Variants in ZC3H8 observed in about 807,000 individuals in gnomAD.
ZC3H8 encodes zinc finger CCCH domain-containing protein 8.
A neutral mutation model predicts 42.5 loss-of-function variants in ZC3H8; 27 were observed. That is an observed-to-expected ratio of 0.64 (90% CI 0.47 to 0.88). ZC3H8 has a LOEUF of 0.88. Among genes scored for constraint, ZC3H8 ranks in the 40% least tolerant of loss-of-function variants. ZC3H8 has a pLI of 0.00. For missense variants in ZC3H8, 277 were observed against 336.1 expected (o/e 0.82, Z 1.37); for synonymous variants, 101 against 110.1 (o/e 0.92, Z 0.52).
rs1468114529 is a variant in ZC3H8, at chr2:112,214,391, C to CTT, written c.*2092_*2093insAA. Reference sequence around the variant, plus strand: ...ATTCAATAGAGCCATGATAACCATGCTGGCCAAATAAATCTGTGCAGATTT... The same window carrying CTT: ...ATTCAATAGAGCCATGATAACCATGCTTTGGCCAAATAAATCTGTGCAGATTT... On this transcript the variant is annotated 3_prime_UTR_variant, in exon 9 of 9. Transcript: ENST00000409573. 1 of 152,126 alleles carries CTT rather than the reference C, an allele frequency of 6.6e-6. No individual in the cohort carries two copies. The highest frequency in any genetic ancestry group is 1.5e-5 in the Non-Finnish European group (1 of 68,026). The allele number at this position is 152,126 out of a possible 1,614,324, so 9.4% of individuals were successfully genotyped here.
intron 8 of ZC3H8, among the ~76,000 whole-genome samples, chr2:112,224,235 G>T (rs185513092): frequency 1.8e-4 from 28 of 152,236 alleles, no homozygotes; most frequent in African/African-American, 6.5e-4. Context: ...ACGTAAGGGT[G>T]GTTTAGTATT....
chr2:112,212,829 C>G lies in ZC3H8; in HGVS notation c.*3655G>C, dbSNP rs1331903136. ...TCCTAGCATTCAGCAGGTGCTCAACCTGAGATATTCTGATCTTGCCAAACT... is the reference window on the plus strand; with the variant it reads ...TCCTAGCATTCAGCAGGTGCTCAACGTGAGATATTCTGATCTTGCCAAACT... On this transcript the variant is annotated 3_prime_UTR_variant, in exon 9 of 9. Transcript: ENST00000409573. 2 of 152,116 alleles carry G rather than the reference C, an allele frequency of 1.3e-5. No individual in the cohort carries two copies. The highest frequency in any genetic ancestry group is 4.8e-5 in the African/African-American group (2 of 41,408). 9.4% of individuals were successfully genotyped at this position (152,116 alleles called of 1,614,324 possible). A position where few individuals can be genotyped will look rare whatever the true frequency, so the allele number is the denominator to read the frequency against.
chr2:112,243,755 GTC>G (rs1685666067), intron 2 of ZC3H8, among the ~76,000 whole-genome samples: 1 of 151,986 alleles, frequency 6.6e-6, no homozygotes, highest in African/African-American at 2.4e-5. Flanking sequence ...AATATTTATT[GTC>G]TTGTCCTTTA....
chr2:112,252,541 T>C (rs1207683590), intron 1 of ZC3H8, among the ~76,000 whole-genome samples: 2 of 152,226 alleles, frequency 1.3e-5, no homozygotes, highest in Non-Finnish European at 2.9e-5. Context: ...AATGGTCTCT[T>C]GTCTCATTCA....
intron 2 of ZC3H8, among the ~76,000 whole-genome samples, chr2:112,241,568 T>A (rs1372360868): frequency 6.6e-6 from 1 of 152,240 alleles, no homozygotes; most frequent in Non-Finnish European, 1.5e-5. Context: ...ACATTTGGTA[T>A]TTGAACAAAG....
At chr2:112,217,846 A>G (rs1684396665) in intron 8 of ZC3H8, among the ~76,000 whole-genome samples, 2 of 152,154 alleles carry the variant, frequency 1.3e-5, no homozygotes, top group Admixed American at 6.5e-5. Flanking sequence ...TCAAACATCT[A>G]TATCTGAAAA....
rs941246934 is a variant in ZC3H8 at position 112,212,638 on chromosome 2, T to C, written c.*3846A>G. 1 of 152,216 alleles carries C rather than the reference T, an allele frequency of 6.6e-6. No homozygotes were observed. The highest frequency in any genetic ancestry group is 1.5e-5 in the Non-Finnish European group (1 of 68,034). 9.4% of individuals were successfully genotyped at this position (152,216 alleles called of 1,614,324 possible). On this transcript the variant is annotated 3_prime_UTR_variant, in exon 9 of 9. Coordinates refer to ENST00000409573, the MANE Select transcript of ZC3H8 (RefSeq NM_032494.3). ...GCTCATCTAAGACTGGTTAAGTCCATGGCTCAGCTGTTATCAAGGATCCAG... is the reference window on the plus strand; with the variant it reads ...GCTCATCTAAGACTGGTTAAGTCCACGGCTCAGCTGTTATCAAGGATCCAG...
chr2:112,254,928 C>T lies in ZC3H8; in HGVS notation c.54G>A (p.Thr18=), dbSNP rs1473667317. 2 of 1,613,458 alleles carry T rather than the reference C, an allele frequency of 1.2e-6. No homozygotes were observed. Among genetic ancestry groups the T allele is most frequent in the South Asian group, 2.2e-5 (2 of 90,994 alleles). The change falls in exon 1 of 9, where the codon ACG becomes ACA. Residue 18 remains threonine, a synonymous_variant. Transcript: ENST00000409573. The stretch of plus-strand genomic sequence containing the variant: ...ATCACCTTTCGTCAGAGTCCGTGGC[C>T]GTTTTGCCGAGGGCCGGGTTGGGGG... ...SKPPNPALGK[T]ATDSDERIDD...
chr2:112,248,327 A>AGAAG (rs1685826397), intron 2 of ZC3H8, among the ~76,000 whole-genome samples: 1 of 151,988 alleles, frequency 6.6e-6, no homozygotes, highest in Admixed American at 6.6e-5. Context: ...AAGAAAAGAA[A>AGAAG]GAAAGAAAGA....
At chr2:112,253,884 A>G (rs1310372528) in intron 1 of ZC3H8, 1 of 152,714 alleles carries the variant, frequency 6.5e-6, no homozygotes, top group Non-Finnish European at 1.5e-5. Context: ...TCCAATATTT[A>G]TAGGGCTTAT....
At chr2:112,254,793 G>A in intron 1 of ZC3H8, 115 bp downstream of exon 1, 3 of 1,250,816 alleles carry the variant, frequency 2.4e-6, no homozygotes, top group Non-Finnish European at 3.3e-6. Flanking sequence ...TGCTCCCCAC[G>A]GGCCCTCGCG....
At chr2:112,228,677 T>C (rs1684956346) in intron 8 of ZC3H8, among the ~76,000 whole-genome samples, 4 of 152,170 alleles carry the variant, frequency 2.6e-5, no homozygotes, top group African/African-American at 9.7e-5. Context: ...GACTTTGTGT[T>C]AGGCAATAAA....
intron 8 of ZC3H8, among the ~76,000 whole-genome samples, chr2:112,217,438 A>C (rs1395579272): frequency 6.6e-6 from 1 of 152,232 alleles, no homozygotes; most frequent in Non-Finnish European, 1.5e-5. Flanking sequence ...TTCAAGTTGC[A>C]GTATAAAATG....
At chr2:112,238,626 T>C (rs1685450953) in intron 2 of ZC3H8, 98 bp from the exon 3 acceptor site, 3 of 948,318 alleles carry the variant, frequency 3.2e-6, no homozygotes, top group East Asian at 2.4e-5. Flanking sequence ...CTGGTCATTG[T>C]TGAAGGTGGG....
intron 7 of ZC3H8, among the ~76,000 whole-genome samples, chr2:112,231,298 G>T (rs1322698164): frequency 1.3e-5 from 2 of 152,074 alleles, no homozygotes; most frequent in Non-Finnish European, 2.9e-5. Flanking sequence ...GGCTTCAAAA[G>T]AATCTTTTAA....
intron 8 of ZC3H8, among the ~76,000 whole-genome samples, chr2:112,225,232 GTTAA>G (rs1684765558): frequency 6.6e-6 from 1 of 151,996 alleles, no homozygotes; most frequent in South Asian, 2.1e-4. Flanking sequence ...CCTCAAAATA[GTTAA>G]TTGTTAAAAA....
chr2:112,232,575 C>T (rs1327620641), intron 6 of ZC3H8, among the ~76,000 whole-genome samples: 6 of 151,888 alleles, frequency 4.0e-5, no homozygotes, highest in Admixed American at 3.9e-4. Flanking sequence ...TAAAGCATTC[C>T]TTTGGGGGTG....
chr2:112,237,294 G>A (rs1408504452), intron 3 of ZC3H8, among the ~76,000 whole-genome samples: 2 of 152,130 alleles, frequency 1.3e-5, no homozygotes, highest in Non-Finnish European at 2.9e-5. Context: ...AAGTTCTAAG[G>A]CAGATCCTTT....
intron 8 of ZC3H8, among the ~76,000 whole-genome samples, chr2:112,217,156 C>T (rs1306107259): frequency 6.6e-6 from 1 of 151,994 alleles, no homozygotes; most frequent in East Asian, 1.9e-4. Flanking sequence ...ATCACTTGAG[C>T]TCAGGAGTTC....
Sources: gnomAD v4.1 joint callset for allele counts (sites outside exome capture counted in the v4.1 genomes callset) on GRCh38, gnomAD v4.1.1 for gene constraint, MANE v1.5 for transcripts, NCBI Gene and HGNC (gene_info 2026-07-23, HGNC 2026-07-21) for gene names.